AP2B1: variants seen among roughly 807,000 people sequenced by gnomAD.
AP2B1 encodes AP-2 complex subunit beta.
Under a neutral mutation model 102.0 loss-of-function variants are expected in AP2B1, and 23 were observed. That is an observed-to-expected ratio of 0.23 (90% CI 0.16 to 0.32). The LOEUF (loss-of-function observed/expected upper bound fraction) is 0.32. AP2B1 is among the 10% of genes least tolerant of loss of function. The probability of loss-of-function intolerance (pLI) is 1.00; values close to 1 mark genes in which losing one functional copy is unlikely to be tolerated. For synonymous variants in AP2B1, 381 were observed against 421.2 expected (o/e 0.90, Z 1.17); for missense variants, 541 against 1,157.4 (o/e 0.47, Z 7.73).
At chr17:35,712,365 A>G (rs1555587970) in intron 20 of AP2B1, among the ~76,000 whole-genome samples, 1 of 152,236 alleles carries the variant, frequency 6.6e-6, no homozygotes, top group African/African-American at 2.4e-5. Flanking sequence ...ACAGTGGCTC[A>G]TGCCTGTAAT....
chr17:35,621,371 T>G, intron 5 of AP2B1: 1 of 981,262 alleles, frequency 1.0e-6, no homozygotes, highest in Non-Finnish European at 1.2e-6. Context: ...CTGGTGAGCC[T>G]GCCTCAGTAT....
At chr17:35,624,044 G>A (rs1057045545) in intron 5 of AP2B1, among the ~76,000 whole-genome samples, 1 of 152,102 alleles carries the variant, frequency 6.6e-6, no homozygotes, top group Non-Finnish European at 1.5e-5. Flanking sequence ...GTTGCCTAAT[G>A]TACATATTTC....
At chr17:35,644,432 C>A (rs1197376843) in intron 12 of AP2B1, among the ~76,000 whole-genome samples, 1 of 152,124 alleles carries the variant, frequency 6.6e-6, no homozygotes, top group Non-Finnish European at 1.5e-5. Flanking sequence ...GGCTGGAGTG[C>A]AGTGGCGTGA....
rs17638867 is a variant in AP2B1 at position 35,725,494 on chromosome 17, C to T, written c.*1795C>T. The T allele has an allele frequency of 0.16, 23,693 of 152,090 alleles. 2,080 individuals carry two copies. Among genetic ancestry groups the T allele is most frequent in the South Asian group, 0.25 (1,200 of 4,812 alleles). The allele number at this position is 152,090 out of a possible 1,614,324, so 9.4% of individuals were successfully genotyped here. On this transcript the variant is annotated 3_prime_UTR_variant, in exon 22 of 22. Coordinates refer to ENST00000610402, the MANE Select transcript of AP2B1 (RefSeq NM_001030006.2). Reference sequence around the variant, plus strand: ...GTTGCAAAGCTTGTGGGGAGCGGTCCCACAAAGCACTTTCTTAAACCTTGA... The same window carrying T: ...GTTGCAAAGCTTGTGGGGAGCGGTCTCACAAAGCACTTTCTTAAACCTTGA...
chr17:35,722,518 ATTTTAC>A (rs1160805580), intron 21 of AP2B1, among the ~76,000 whole-genome samples: 1 of 152,076 alleles, frequency 6.6e-6, no homozygotes, highest in Non-Finnish European at 1.5e-5. Flanking sequence ...TGCATTTTAA[ATTTTAC>A]TTTAACTTTT....
rs565106545 is a variant in AP2B1 at position 35,659,390 on chromosome 17, A to T, written c.1989+1599A>T. Among the ~76,000 whole-genome samples, 9 of 152,300 alleles carry T rather than the reference A, an allele frequency of 5.9e-5. No homozygotes were observed. The South Asian group carries it at 8.3e-4, about 14-fold the overall frequency. On this transcript the variant is annotated intron_variant, in intron 14 of 21. Transcript: ENST00000610402. Reference sequence around the variant, plus strand: ...CCCAGGACCCTGCTTGACCCACTATAAACATAGAAAAAAAGAGACATGTTA... The same window carrying T: ...CCCAGGACCCTGCTTGACCCACTATTAACATAGAAAAAAAGAGACATGTTA...
intron 5 of AP2B1, among the ~76,000 whole-genome samples, chr17:35,612,641 A>G (rs1292632875): frequency 6.6e-6 from 1 of 152,164 alleles, no homozygotes; most frequent in Non-Finnish European, 1.5e-5. Context: ...ATTCCATGTT[A>G]CAGGTCAAGA....
chr17:35,596,170 C>G (rs2073265266), intron 2 of AP2B1, among the ~76,000 whole-genome samples: 1 of 152,180 alleles, frequency 6.6e-6, no homozygotes, highest in African/African-American at 2.4e-5. Flanking sequence ...TTACATCCTG[C>G]TTTGATTCTA....
chr17:35,653,245 T>C (rs1427513407), intron 13 of AP2B1, among the ~76,000 whole-genome samples: 3 of 152,212 alleles, frequency 2.0e-5, no homozygotes, highest in Non-Finnish European at 2.9e-5. Flanking sequence ...TTCAGTGATA[T>C]TGTTATCACT....
In AP2B1 at chr17:35,705,802, C is replaced by T. The variant is rs587596842; in HGVS notation, c.2455-3422C>T. Among the ~76,000 whole-genome samples, 24 of 152,170 alleles carry T rather than the reference C, an allele frequency of 1.6e-4. No homozygotes were observed. The East Asian group carries it at 4.5e-3, about 28-fold the overall frequency. Reference sequence around the variant, plus strand: ...TTCCCAAGGCTCACATGGTGGCTCACGCCTGCTGGGATTACAGGCGTGAGC... The same window carrying T: ...TTCCCAAGGCTCACATGGTGGCTCATGCCTGCTGGGATTACAGGCGTGAGC... On this transcript the variant is annotated intron_variant, in intron 18 of 21. Transcript: ENST00000610402.
intron 17 of AP2B1, among the ~76,000 whole-genome samples, chr17:35,681,587 A>T (rs1237835063): frequency 6.6e-6 from 1 of 151,486 alleles, no homozygotes; most frequent in East Asian, 1.9e-4. Context: ...TTCTTTTATT[A>T]CTTTTTTTTT....
At chr17:35,632,290 A>C (rs1196700672) in intron 9 of AP2B1, among the ~76,000 whole-genome samples, 1 of 152,008 alleles carries the variant, frequency 6.6e-6, no homozygotes, top group East Asian at 1.9e-4. Flanking sequence ...ATGCACCACC[A>C]TGCCCGGCTA....
intron 18 of AP2B1, among the ~76,000 whole-genome samples, chr17:35,693,010 G>A (rs947592154): frequency 2.0e-5 from 3 of 151,744 alleles, no homozygotes; most frequent in East Asian, 1.9e-4. Flanking sequence ...TCTTTGGCGC[G>A]GGGCGGTGGG....
intron 12 of AP2B1, among the ~76,000 whole-genome samples, chr17:35,644,519 A>G (rs1239279867): frequency 6.6e-6 from 1 of 150,784 alleles, no homozygotes; most frequent in Non-Finnish European, 1.5e-5. Flanking sequence ...CTGGGATTAC[A>G]GGTGCATGCC....
chr17:35,681,997 G>A (rs953192053), intron 17 of AP2B1, among the ~76,000 whole-genome samples: 10 of 152,042 alleles, frequency 6.6e-5, no homozygotes, highest in African/African-American at 1.9e-4. Flanking sequence ...TTCCTCACCT[G>A]TAATCCCAGC....
chr17:35,689,536 A>G (rs2142997393), intron 18 of AP2B1, among the ~76,000 whole-genome samples: 1 of 152,348 alleles, frequency 6.6e-6, no homozygotes, highest in Non-Finnish European at 1.5e-5. Context: ...TTAAAAAATT[A>G]GCAAGAATTC....
At chr17:35,660,766 G>A (rs1212704258) in intron 14 of AP2B1, among the ~76,000 whole-genome samples, 2 of 152,136 alleles carry the variant, frequency 1.3e-5, no homozygotes, top group Non-Finnish European at 2.9e-5. Flanking sequence ...TTATAGGCGT[G>A]AGCCACCACG....
chr17:35,616,195 C>T (rs554518638), intron 5 of AP2B1, among the ~76,000 whole-genome samples: 12 of 124,488 alleles, frequency 9.6e-5, no homozygotes, highest in African/African-American at 2.1e-4. Context: ...GACGGAGTCT[C>T]GCTCAGTCGC....
intron 12 of AP2B1, among the ~76,000 whole-genome samples, chr17:35,644,941 A>AG (rs2074885735): frequency 6.6e-6 from 1 of 151,838 alleles, no homozygotes; most frequent in South Asian, 2.1e-4. Flanking sequence ...TTGAGGTGGG[A>AG]GGATCGCTTG....
Sources: allele counts gnomAD v4.1 joint callset (sites outside exome capture counted in the v4.1 genomes callset), GRCh38; gene constraint gnomAD v4.1.1; transcripts MANE v1.5; gene names NCBI Gene and HGNC (gene_info 2026-07-23, HGNC 2026-07-21).